Variants in GALNT10 observed in about 807,000 individuals in gnomAD.
GALNT10 encodes the protein GalNAc transferase 10.
GALNT10 carries 41 observed loss-of-function variants against 75.0 expected under a neutral mutation model. That is an observed-to-expected ratio of 0.55 (90% confidence interval 0.43 to 0.71). GALNT10 has a LOEUF of 0.71. GALNT10 is among the 30% of genes least tolerant of loss of function. GALNT10 has a pLI of 0.00. For synonymous variants in GALNT10, 302 were observed against 313.0 expected (o/e 0.96, Z 0.37); for missense variants, 727 against 818.5 (o/e 0.89, Z 1.36).
At chr5:154,243,808 C>T (rs923994857) in intron 1 of GALNT10, among the ~76,000 whole-genome samples, 5 of 152,194 alleles carry the variant, frequency 3.3e-5, no homozygotes, top group South Asian at 2.1e-4. Flanking sequence ...GGGAGCTGGT[C>T]TTAACACTCA....
intron 11 of GALNT10, 34 bp downstream of exon 11, chr5:154,415,966 CTTAA>C (rs1259504966): frequency 2.5e-6 from 4 of 1,604,482 alleles, no homozygotes; most frequent in Non-Finnish European, 3.4e-6. Context: ...AGGGCACCTG[CTTAA>C]TTTTTTTTTA....
chr5:154,267,514 A>C (rs1206036937), intron 1 of GALNT10, among the ~76,000 whole-genome samples: 1 of 152,212 alleles, frequency 6.6e-6, no homozygotes. Flanking sequence ...AAAACAGTTT[A>C]GGTTTTCCCT....
At chr5:154,195,642 G>T (rs1774926337) in intron 1 of GALNT10, among the ~76,000 whole-genome samples, 1 of 152,172 alleles carries the variant, frequency 6.6e-6, no homozygotes, top group African/African-American at 2.4e-5. Flanking sequence ...CTGAGGCCGA[G>T]AAAAAGGGAA....
intron 3 of GALNT10, among the ~76,000 whole-genome samples, chr5:154,327,760 G>A (rs1298932602): frequency 6.6e-6 from 1 of 152,158 alleles, no homozygotes; most frequent in Non-Finnish European, 1.5e-5. Context: ...AAATGAAGAT[G>A]GAGTAATAGA....
intron 1 of GALNT10, among the ~76,000 whole-genome samples, chr5:154,260,746 T>C (rs528773917): frequency 3.0e-4 from 45 of 152,312 alleles, no homozygotes; most frequent in Admixed American, 2.5e-3. Flanking sequence ...TGTTGACTGC[T>C]CGTGATGGTT....
chr5:154,320,018 C>T (rs1366088662), intron 3 of GALNT10, among the ~76,000 whole-genome samples: 1 of 152,180 alleles, frequency 6.6e-6, no homozygotes, highest in South Asian at 2.1e-4. Context: ...AGGTACCCTG[C>T]TGGATACTGG....
chr5:154,308,451 G>A (rs1261381075), intron 3 of GALNT10, among the ~76,000 whole-genome samples: 1 of 152,124 alleles, frequency 6.6e-6, no homozygotes, highest in Non-Finnish European at 1.5e-5. Context: ...CTTCTCGAAT[G>A]GTGATGTAAG....
At chr5:154,383,723 T>G (rs942724018) in intron 6 of GALNT10, among the ~76,000 whole-genome samples, 1 of 152,142 alleles carries the variant, frequency 6.6e-6, no homozygotes, top group Non-Finnish European at 1.5e-5. Flanking sequence ...TGTCAGCCTT[T>G]CCAAGCGGTA....
intron 4 of GALNT10, among the ~76,000 whole-genome samples, chr5:154,369,472 C>A (rs1248789819): frequency 6.6e-6 from 1 of 152,146 alleles, no homozygotes; most frequent in Non-Finnish European, 1.5e-5. Context: ...ACGTGGTAAG[C>A]ACCTGACAAA....
At chr5:154,242,780 G>C (rs921063708) in intron 1 of GALNT10, among the ~76,000 whole-genome samples, 1 of 152,180 alleles carries the variant, frequency 6.6e-6, no homozygotes, top group African/African-American at 2.4e-5. Flanking sequence ...CAGACTCCCA[G>C]ATATAACCCA....
chr5:154,386,407 G>A lies in GALNT10; in HGVS notation c.1033G>A (p.Glu345Lys). ...CCCAGGCTTGGAGATCTGGGGAGGG[G>A]AGCAGTATGAAATCTCCTTCAAGGT... ...YDPGLEIWGG[E>K]QYEISFKVWM... The change falls in exon 7 of 12, where the codon GAG becomes AAG. Residue 345 changes from glutamate to lysine, a missense_variant. Transcript: ENST00000297107. 6.2e-7 allele frequency: 1 copy of A among 1,612,238 alleles called. No individual in the cohort carries two copies. The highest frequency in any genetic ancestry group is 8.5e-7 in the Non-Finnish European group (1 of 1,178,256).
At position 154,412,864 on chromosome 5, in the gene GALNT10, C is replaced by T. The variant is rs373443646; in HGVS notation, c.1387-25C>T. 3.9e-6 allele frequency: 6 copies of T among 1,529,520 alleles called. No individual in the cohort carries two copies. The highest frequency in any genetic ancestry group is 2.2e-5 in the East Asian group (1 of 44,488). The allele number at this position is 1,529,520 out of a possible 1,614,324, so 94.7% of individuals were successfully genotyped here. Reference sequence around the variant, plus strand: ...GGCACCTTAAGGCACCTCAGTGGTCCACTTCTTCCCTCTTTCCCTTTCAGA... The same window carrying T: ...GGCACCTTAAGGCACCTCAGTGGTCTACTTCTTCCCTCTTTCCCTTTCAGA... On this transcript the variant is annotated intron_variant, in intron 9 of 11. Coordinates refer to ENST00000297107, the MANE Select transcript of GALNT10 (RefSeq NM_198321.4). The surrounding 1 kb of genome is among the most constrained non-coding windows in gnomAD (Gnocchi z 4.2).
Position 154,412,835 on chromosome 5 carries a change from G to C in GALNT10, c.1387-54G>C. On this transcript the variant is annotated intron_variant, in intron 9 of 11. Coordinates refer to ENST00000297107, the MANE Select transcript of GALNT10 (RefSeq NM_198321.4). The surrounding 1 kb of genome is among the most constrained non-coding windows in gnomAD (Gnocchi z 4.2). ...TTCCCCTTTCACCTGGCAGGGACCC[G>C]GTGGGCACCTTAAGGCACCTCAGTG... 1.7e-6 allele frequency: 2 copies of C among 1,208,492 alleles called. No individual in the cohort carries two copies. The highest frequency in any genetic ancestry group is 2.5e-6 in the Non-Finnish European group (2 of 811,828). 74.9% of individuals were successfully genotyped at this position (1,208,492 alleles called of 1,614,324 possible).
chr5:154,376,251 C>T lies in GALNT10; in HGVS notation c.569-26C>T, dbSNP rs1485145410. Reference sequence around the variant, plus strand: ...GATGACTACTAAGCAACTGTTCTCACTCTTCTGTCCTCTTCTGTCTCATAG... The same window carrying T: ...GATGACTACTAAGCAACTGTTCTCATTCTTCTGTCCTCTTCTGTCTCATAG... On this transcript the variant is annotated intron_variant, in intron 4 of 11. Transcript: ENST00000297107. This position sits in a 1 kb window ranked among gnomAD's most constrained non-coding sequence, Gnocchi z 4.1. 6.0e-6 allele frequency: 9 copies of T among 1,499,942 alleles called. No homozygotes were observed. Among genetic ancestry groups the T allele is most frequent in the Non-Finnish European group, 8.3e-6 (9 of 1,084,766 alleles). 92.9% of individuals were successfully genotyped at this position (1,499,942 alleles called of 1,614,324 possible).
chr5:154,250,813 AT>A (rs1450437405), intron 1 of GALNT10, among the ~76,000 whole-genome samples: 1 of 152,044 alleles, frequency 6.6e-6, no homozygotes, highest in Non-Finnish European at 1.5e-5. Context: ...CTTAGTTTTT[AT>A]TTTCTCCCAT....
intron 3 of GALNT10, among the ~76,000 whole-genome samples, chr5:154,317,018 G>A (rs1031691546): frequency 2.0e-5 from 3 of 152,184 alleles, no homozygotes; most frequent in African/African-American, 4.8e-5. Context: ...TAAATGTACT[G>A]TCTCACTTGG....
intron 3 of GALNT10, among the ~76,000 whole-genome samples, chr5:154,325,226 G>A (rs1259790696): frequency 6.6e-6 from 1 of 152,090 alleles, no homozygotes; most frequent in Non-Finnish European, 1.5e-5. Flanking sequence ...AAATTTGACT[G>A]TAGATTCCTA....
intron 4 of GALNT10, among the ~76,000 whole-genome samples, chr5:154,333,060 A>G (rs1476131346): frequency 6.6e-6 from 1 of 152,192 alleles, no homozygotes; most frequent in Non-Finnish European, 1.5e-5. Flanking sequence ...GTCTCAGGAA[A>G]CGCTGTGAGA....
intron 1 of GALNT10, among the ~76,000 whole-genome samples, chr5:154,289,958 C>G (rs1443556563): frequency 6.6e-6 from 1 of 152,190 alleles, no homozygotes; most frequent in African/African-American, 2.4e-5. Flanking sequence ...TCTGGGGTTT[C>G]TTAATCTGCA....
Sources: allele counts gnomAD v4.1 joint callset (sites outside exome capture counted in the v4.1 genomes callset), GRCh38; gene constraint gnomAD v4.1.1; non-coding constraint Gnocchi (gnomAD v3.1); transcripts MANE v1.5; gene names NCBI Gene and HGNC (gene_info 2026-07-23, HGNC 2026-07-21).